The following PCDHGA4 variants were observed in gnomAD, a reference collection of about 807,000 sequenced individuals.
PCDHGA4 encodes the protein protocadherin gamma-A4.
A neutral mutation model predicts 54.6 loss-of-function variants in PCDHGA4; 38 were observed. The observed-to-expected ratio is 0.70, with a 90% confidence interval of 0.54 to 0.91. The LOEUF is 0.91. Among genes scored for constraint, PCDHGA4 ranks in the 40% least tolerant of loss-of-function variants. The pLI is 0.00. For synonymous variants in PCDHGA4, 511 were observed against 512.9 expected (o/e 1.00, Z 0.05); for missense variants, 1,298 against 1,220.9 (o/e 1.06, Z -0.94).
chr5:141,389,784 G>C (rs1380763543), intron 1 of PCDHGA4: 2 of 1,613,318 alleles, frequency 1.2e-6, no homozygotes, highest in South Asian at 2.2e-5. Flanking sequence ...AGGCGACAGG[G>C]ACGCCGTCCG....
Position 141,505,432 on chromosome 5 carries a change from C to T in PCDHGA4, c.2613C>T (p.Asn871=), listed in dbSNP as rs776731214. Residue 871 remains asparagine, a synonymous_variant, in exon 3 of 4, where the codon AAC becomes AAT. Transcript: ENST00000571252. ...ATGACACCGGCACCTGGCCCAACAA[C>T]CAGTTTGACACAGAGATGCTGCAAG... ...NGDDTGTWPN[N]QFDTEMLQAM... 6.2e-7 allele frequency: 1 copy of T among 1,614,252 alleles called. No homozygotes were observed. Among genetic ancestry groups the T allele is most frequent in the Non-Finnish European group, 8.5e-7 (1 of 1,180,048 alleles).
At chr5:141,443,448 T>C (rs1205977008) in intron 1 of PCDHGA4, among the ~76,000 whole-genome samples, 1 of 152,210 alleles carries the variant, frequency 6.6e-6, no homozygotes, top group African/African-American at 2.4e-5. Context: ...GTTGCGCTCC[T>C]GTACTCCAGT....
intron 1 of PCDHGA4, chr5:141,361,331 A>G (rs752611157): frequency 6.2e-7 from 1 of 1,613,970 alleles, no homozygotes; most frequent in South Asian, 1.1e-5. Flanking sequence ...TCTTCCTCAA[A>G]GAACTATTAC....
Position 141,413,476 on chromosome 5 carries a change from G to T in PCDHGA4, c.2514+55855G>T, listed in dbSNP as rs566734719. 2.1e-5 allele frequency: 34 copies of T among 1,614,004 alleles called. No homozygotes were observed. The South Asian group carries it at 3.7e-4, about 18-fold the overall frequency. ...CAGGATAGACCGGGAGGAGCTCTGC[G>T]CTCAGAGCGCGCGGTGCGTGGTGAG... On this transcript the variant is annotated intron_variant, in intron 1 of 3. Coordinates refer to ENST00000571252, the MANE Select transcript of PCDHGA4 (RefSeq NM_018917.4).
intron 1 of PCDHGA4, chr5:141,410,459 A>C (rs2095396770): frequency 6.2e-7 from 1 of 1,613,864 alleles, no homozygotes; most frequent in Admixed American, 1.7e-5. Context: ...TTATTCTTAT[A>C]ATCTGTGCAT....
intron 1 of PCDHGA4, among the ~76,000 whole-genome samples, chr5:141,363,857 T>C (rs1243466547): frequency 6.6e-6 from 1 of 152,164 alleles, no homozygotes; most frequent in African/African-American, 2.4e-5. Context: ...GGACTAAATA[T>C]AGATAAGAGG....
intron 1 of PCDHGA4, among the ~76,000 whole-genome samples, chr5:141,460,646 C>T (rs1001365023): frequency 2.0e-5 from 3 of 151,954 alleles, no homozygotes; most frequent in African/African-American, 7.3e-5. Context: ...ACTGTGTTTA[C>T]ACATATGTAA....
At chr5:141,376,514 T>C in intron 1 of PCDHGA4, 1 of 1,613,998 alleles carries the variant, frequency 6.2e-7, no homozygotes, top group Non-Finnish European at 8.5e-7. Context: ...TCAGGTGAGT[T>C]TCTTTCCGCC....
intron 1 of PCDHGA4, chr5:141,390,401 A>G (rs1471626291): frequency 2.3e-6 from 3 of 1,328,496 alleles, no homozygotes; most frequent in Admixed American, 2.3e-5. Flanking sequence ...TCATTTTAGG[A>G]AAGTTGTAGT....
rs376621545 is a variant in PCDHGA4, at chr5:141,422,143, G to A, written c.2514+64522G>A. The stretch of plus-strand genomic sequence containing the variant: ...ACAAACTGGAGAAGTTCAAGTACGG[G>A]GGTCTCTGGATTTTGAAAAATATAG... On this transcript the variant is annotated intron_variant, in intron 1 of 3. Transcript: ENST00000571252. 36 of 1,583,638 alleles carry A rather than the reference G, an allele frequency of 2.3e-5. No individual in the cohort carries two copies. The African/African-American group carries it at 3.8e-4, about 17-fold the overall frequency.
chr5:141,388,906 A>ACG (rs890479246), intron 1 of PCDHGA4: 2 of 1,614,016 alleles, frequency 1.2e-6, no homozygotes, highest in Admixed American at 3.3e-5. Flanking sequence ...GAAAATGACA[A>ACG]CGCCCCAGAA....
Position 141,356,874 on chromosome 5 carries a change from T to C in PCDHGA4, c.1767T>C (p.Asn589=). 6.2e-7 allele frequency: 1 copy of C among 1,614,196 alleles called. No individual in the cohort carries two copies. The highest frequency in any genetic ancestry group is 1.1e-5 in the South Asian group (1 of 91,082). Residue 589 remains asparagine (N), a synonymous_variant, in exon 1 of 4, where the codon AAT becomes AAC. Coordinates refer to ENST00000571252, the MANE Select transcript of PCDHGA4 (RefSeq NM_018917.4). ...TCTTTGTGCTGGACCAGAACGACAATGTCCCTGAGATCCTGTACCCCACCT... is the reference window on the plus strand; with the variant it reads ...TCTTTGTGCTGGACCAGAACGACAACGTCCCTGAGATCCTGTACCCCACCT... ...LSLFVLDQND[N]VPEILYPTFP...
At chr5:141,452,256 C>T (rs533770410) in intron 1 of PCDHGA4, among the ~76,000 whole-genome samples, 1 of 152,298 alleles carries the variant, frequency 6.6e-6, no homozygotes, top group African/African-American at 2.4e-5. Flanking sequence ...CCATAACTCT[C>T]TCATTTTCTT....
At chr5:141,371,515 T>C in intron 1 of PCDHGA4, 1 of 1,613,844 alleles carries the variant, frequency 6.2e-7, no homozygotes, top group Non-Finnish European at 8.5e-7. Context: ...ACACATGATC[T>C]AGATTCTGGA....
intron 1 of PCDHGA4, chr5:141,402,830 G>A: frequency 7.4e-7 from 1 of 1,346,490 alleles, no homozygotes; most frequent in Non-Finnish European, 9.8e-7. Flanking sequence ...CTCCCAGGCT[G>A]CAGCAAAACT....
chr5:141,422,382 T>C (rs1390444026), intron 1 of PCDHGA4: 5 of 1,585,154 alleles, frequency 3.2e-6, no homozygotes, highest in Admixed American at 1.8e-5. Context: ...AAGTCTCCTG[T>C]TTTATTCCTA....
chr5:141,485,362 G>T lies in PCDHGA4; in HGVS notation c.2515-9445G>T. 6.2e-7 allele frequency: 1 copy of T among 1,614,144 alleles called. No individual in the cohort carries two copies. ...ATACGGACAGTCTGTCAGCTCGCAG[G>T]CTGCAGGTCGCTGGAGAGGTGAACC... is the stretch of plus-strand genomic sequence containing the variant. On this transcript the variant is annotated intron_variant, in intron 1 of 3. Coordinates refer to ENST00000571252, the MANE Select transcript of PCDHGA4 (RefSeq NM_018917.4). The surrounding 1 kb of genome is among the most constrained non-coding windows in gnomAD (Gnocchi z 5.7).
At chr5:141,393,617 C>A (rs746699091) in intron 1 of PCDHGA4, 4 of 1,613,770 alleles carry the variant, frequency 2.5e-6, no homozygotes, top group African/African-American at 2.7e-5. Context: ...CAGCCAGCGA[C>A]CCGGATGAGG....
At chr5:141,448,215 C>T (rs927573458) in intron 1 of PCDHGA4, among the ~76,000 whole-genome samples, 5 of 152,046 alleles carry the variant, frequency 3.3e-5, no homozygotes, top group African/African-American at 9.7e-5. Flanking sequence ...TGTGTGTATG[C>T]GAATGTATGT....
Sources: gnomAD v4.1 joint callset for allele counts (sites outside exome capture counted in the v4.1 genomes callset) on GRCh38, gnomAD v4.1.1 for gene constraint, Gnocchi (gnomAD v3.1) non-coding constraint, MANE v1.5 for transcripts, NCBI Gene and HGNC (gene_info 2026-07-23, HGNC 2026-07-21) for gene names.